Variants in MDFIC observed in about 807,000 individuals in gnomAD.
MDFIC encodes the protein myoD family inhibitor domain-containing protein.
Under a neutral mutation model 23.2 loss-of-function variants are expected in MDFIC, and 17 were observed. The ratio of observed to expected loss-of-function variants is 0.73; its 90% CI spans 0.50 to 1.10. The LOEUF is 1.10. Among genes scored for constraint, MDFIC ranks in the 50% least tolerant of loss-of-function variants. MDFIC has a pLI of 0.00. For synonymous variants in MDFIC, 120 were observed against 115.2 expected, an observed-to-expected ratio of 1.04 and a Z score of -0.27; for missense variants, 356 against 316.6, an observed-to-expected ratio of 1.12 and a Z score of -0.95.
intron 2 of MDFIC, among the ~76,000 whole-genome samples, chr7:114,933,600 G>T (rs1205750517): frequency 6.6e-6 from 1 of 152,058 alleles, no homozygotes; most frequent in African/African-American, 2.4e-5. Flanking sequence ...CCAGTTAAGG[G>T]ACCTGCTATA....
chr7:114,982,312 G>A (rs901453256), intron 4 of MDFIC, among the ~76,000 whole-genome samples: 1 of 152,158 alleles, frequency 6.6e-6, no homozygotes, highest in Non-Finnish European at 1.5e-5. Context: ...AAAATGGATG[G>A]AAATGATTTT....
chr7:114,946,978 G>A (rs1259904196), intron 3 of MDFIC, among the ~76,000 whole-genome samples: 1 of 152,162 alleles, frequency 6.6e-6, no homozygotes, highest in Non-Finnish European at 1.5e-5. Flanking sequence ...ATACTCAGGT[G>A]TGCTATTTAT....
chr7:114,993,201 C>A (rs1274705906), intron 4 of MDFIC, among the ~76,000 whole-genome samples: 1 of 151,940 alleles, frequency 6.6e-6, no homozygotes, highest in Non-Finnish European at 1.5e-5. Flanking sequence ...GGTGATATCC[C>A]CTTTATCATT....
intron 4 of MDFIC, among the ~76,000 whole-genome samples, chr7:115,007,988 G>A (rs183200742): frequency 4.2e-4 from 63 of 150,986 alleles, no homozygotes; most frequent in Non-Finnish European, 8.0e-4. Context: ...ATGAACTACC[G>A]CACCCCAGCC....
At chr7:114,965,133 G>T (rs1248296780) in intron 3 of MDFIC, among the ~76,000 whole-genome samples, 2 of 152,198 alleles carry the variant, frequency 1.3e-5, no homozygotes, top group Non-Finnish European at 2.9e-5. Flanking sequence ...TGATGTAAGA[G>T]TAAGAGGCAG....
At chr7:114,929,735 G>A (rs554102309) in intron 2 of MDFIC, among the ~76,000 whole-genome samples, 1 of 152,166 alleles carries the variant, frequency 6.6e-6, no homozygotes, top group African/African-American at 2.4e-5. Context: ...TCTCTTGCTT[G>A]GATGGGTGGA....
intron 4 of MDFIC, among the ~76,000 whole-genome samples, chr7:114,990,779 T>C (rs1482312666): frequency 6.6e-6 from 1 of 152,222 alleles, no homozygotes; most frequent in Non-Finnish European, 1.5e-5. Context: ...TCCAAGTCTT[T>C]GCTATTGTGA....
At chr7:114,923,735 T>TG in intron 2 of MDFIC, 1 of 1,136,200 alleles carries the variant, frequency 8.8e-7, no homozygotes, top group Non-Finnish European at 1.1e-6. Context: ...CTCTTGTGTC[T>TG]GGGAAACTTC....
rs906061166 is a variant in MDFIC, at chr7:115,019,374, A to G, written c.*3439A>G. Among the ~76,000 whole-genome samples the G allele has an allele frequency of 1.3e-5, 2 of 152,076 alleles. No homozygotes were observed. The highest frequency in any genetic ancestry group is 2.4e-5 in the African/African-American group (1 of 41,438). ...TTTCCTCACCTGGATAGTCAATGTT[A>G]TCTGAGCAGTTCAAGGAGTAACCAA... On this transcript the variant is annotated 3_prime_UTR_variant, in exon 5 of 5. Coordinates refer to ENST00000393486, the MANE Select transcript of MDFIC (RefSeq NM_001166345.3).
chr7:114,950,409 A>T (rs1429409444), intron 3 of MDFIC, among the ~76,000 whole-genome samples: 1 of 152,162 alleles, frequency 6.6e-6, no homozygotes, highest in Non-Finnish European at 1.5e-5. Context: ...TGATTTGTGG[A>T]TATTGTCCAA....
At chr7:114,988,266 G>T (rs935866263) in intron 4 of MDFIC, among the ~76,000 whole-genome samples, 2 of 152,160 alleles carry the variant, frequency 1.3e-5, no homozygotes, top group Non-Finnish European at 2.9e-5. Flanking sequence ...TTTAGGGTGT[G>T]GGGTAGTTGG....
intron 3 of MDFIC, among the ~76,000 whole-genome samples, chr7:114,974,855 T>C (rs1300912975): frequency 2.6e-5 from 4 of 152,082 alleles, no homozygotes; most frequent in Middle Eastern, 3.2e-3. Flanking sequence ...CAGTATTTCT[T>C]AAGTCATTTG....
chr7:114,932,644 G>A (rs556543860), intron 2 of MDFIC, among the ~76,000 whole-genome samples: 13 of 152,320 alleles, frequency 8.5e-5, no homozygotes, highest in Admixed American at 7.2e-4. Context: ...AACTGTGGAA[G>A]TTGATGAGAC....
At chr7:114,976,211 A>G (rs1192459839) in intron 3 of MDFIC, among the ~76,000 whole-genome samples, 1 of 152,118 alleles carries the variant, frequency 6.6e-6, no homozygotes, top group Non-Finnish European at 1.5e-5. Flanking sequence ...TTTATTTTGA[A>G]TTATGAAATA....
At position 115,019,251 on chromosome 7, in the gene MDFIC, G is replaced by A. The variant is rs968667339; in HGVS notation, c.*3316G>A. On this transcript the variant is annotated 3_prime_UTR_variant, in exon 5 of 5. Coordinates refer to ENST00000393486, the MANE Select transcript of MDFIC (RefSeq NM_001166345.3). ...AAATTTTTGTAAATGCTCGCAGTTA[G>A]CATCTAACTAAAACAATACAGTATG... 6.6e-5 allele frequency: 10 copies of A among 151,992 alleles called. No homozygotes were observed. The highest frequency in any genetic ancestry group is 1.7e-4 in the African/African-American group (7 of 41,400). 9.4% of individuals were successfully genotyped at this position (151,992 alleles called of 1,614,324 possible). A position where few individuals can be genotyped will look rare whatever the true frequency, so the allele number is the denominator to read the frequency against.
chr7:114,965,104 T>C (rs781316876), intron 3 of MDFIC, among the ~76,000 whole-genome samples: 11 of 152,166 alleles, frequency 7.2e-5, no homozygotes, highest in Non-Finnish European at 1.6e-4. Flanking sequence ...AGATAGTAGA[T>C]GACATTTCAC....
chr7:114,973,178 A>G (rs1793242471), intron 3 of MDFIC, among the ~76,000 whole-genome samples: 1 of 151,746 alleles, frequency 6.6e-6, no homozygotes, highest in Admixed American at 6.6e-5. Flanking sequence ...ATAGGCCTTG[A>G]TAGAAGCTAT....
At chr7:114,978,499 C>A (rs544047916) in intron 3 of MDFIC, among the ~76,000 whole-genome samples, 32 of 151,984 alleles carry the variant, frequency 2.1e-4, no homozygotes, top group Admixed American at 1.6e-3. Context: ...ATACGTATAG[C>A]ATCTTTTGTT....
chr7:114,993,066 T>A (rs1239779320), intron 4 of MDFIC, among the ~76,000 whole-genome samples: 2 of 152,220 alleles, frequency 1.3e-5, no homozygotes, highest in African/African-American at 2.4e-5. Context: ...AACTTCTTCC[T>A]GGTTTAGTGT....
Sources: gnomAD v4.1 joint callset for allele counts (sites outside exome capture counted in the v4.1 genomes callset) on GRCh38, gnomAD v4.1.1 for gene constraint, MANE v1.5 for transcripts, NCBI Gene and HGNC (gene_info 2026-07-23, HGNC 2026-07-21) for gene names.